The following TGFB1 variants were observed in gnomAD, a reference collection of about 807,000 sequenced individuals.
TGFB1 encodes the protein transforming growth factor beta 1.
In TGFB1, 19 loss-of-function variants were observed where a neutral mutation model predicts 43.8. The ratio of observed to expected loss-of-function variants is 0.43; its 90% CI spans 0.30 to 0.64. TGFB1 has a LOEUF of 0.64. TGFB1 is among the 30% of genes least tolerant of loss of function. TGFB1 has a pLI of 0.11. For missense variants in TGFB1, 445 were observed against 529.8 expected, an observed-to-expected ratio of 0.84 and a Z score of 1.57; for synonymous variants, 221 against 236.3, an observed-to-expected ratio of 0.94 and a Z score of 0.60.
At chr19:41,348,654 G>A (rs1054181224) in intron 1 of TGFB1, among the ~76,000 whole-genome samples, 199 bp from the exon 2 acceptor site, 3 of 145,710 alleles carry the variant, frequency 2.1e-5, no homozygotes, top group Admixed American at 1.4e-4. Context: ...ACGGAGACTC[G>A]CTCTGTCACC....
chr19:41,349,629 C>T (rs908016446), intron 1 of TGFB1, among the ~76,000 whole-genome samples: 8 of 152,096 alleles, frequency 5.3e-5, no homozygotes, highest in African/African-American at 1.4e-4. Flanking sequence ...TGGTGCCGGA[C>T]GGCTCTAATC....
In TGFB1 at chr19:41,331,118, G is replaced by T; in HGVS notation, c.1107C>A (p.Tyr369Ter). Reference sequence around the variant, plus strand: ...GCTCCACCTTGGGCTTGCGGCCCACGTAGTACACGATGGGCAGCGGCTCCA... The same window carrying T: ...GCTCCACCTTGGGCTTGCGGCCCACTTAGTACACGATGGGCAGCGGCTCCA... ...QALEPLPIVY[Y>*]VGRKPKVEQL... is the part of the protein sequence containing the mutation. Residue 369 changes from tyrosine to a stop codon, truncating the protein, a stop_gained, in exon 7 of 7, where the codon TAC (tyrosine) becomes TAA (stop). Coordinates refer to ENST00000221930, the MANE Select transcript of TGFB1 (RefSeq NM_000660.7). LOFTEE classifies it high-confidence loss of function. 1 of 1,585,330 alleles carries T rather than the reference G, an allele frequency of 6.3e-7. No homozygotes were observed. Among genetic ancestry groups the T allele is most frequent in the Non-Finnish European group, 8.6e-7 (1 of 1,167,940 alleles).
At chr19:41,335,338 G>A (rs2037977425) in intron 5 of TGFB1, among the ~76,000 whole-genome samples, 1 of 152,128 alleles carries the variant, frequency 6.6e-6, no homozygotes, top group African/African-American at 2.4e-5. Context: ...ACAGGCATGA[G>A]CCACCGCACC....
At chr19:41,347,085 C>T (rs1407691419) in intron 2 of TGFB1, among the ~76,000 whole-genome samples, 1 of 151,878 alleles carries the variant, frequency 6.6e-6, no homozygotes, top group African/African-American at 2.4e-5. Flanking sequence ...TGCAGTGGTG[C>T]AATCACAGTT....
At chr19:41,351,831 T>C (rs1040985378) in intron 1 of TGFB1, among the ~76,000 whole-genome samples, 15 of 101,804 alleles carry the variant, frequency 1.5e-4, no homozygotes, top group Non-Finnish European at 2.5e-4. Flanking sequence ...TGGGTATCTC[T>C]CCTCCTCCCC....
In TGFB1 at chr19:41,344,854, T is replaced by C. The variant is rs780397214; in HGVS notation, c.527A>G (p.Asn176Ser). ...GTTGCTGAGGTATCGCCAGGAATTG[T>C]TGCTGTATTTCTAGAGGATGATGAA... ...QHVELYQKYS[N>S]NSWRYLSNRL... Residue 176 changes from asparagine (N) to serine (S), a missense_variant, in exon 3 of 7, where the codon AAC becomes AGC. Physicochemically the swap from Asn to Ser is conservative, Grantham distance 46. Coordinates refer to ENST00000221930, the MANE Select transcript of TGFB1 (RefSeq NM_000660.7). 1.9e-6 allele frequency: 3 copies of C among 1,589,478 alleles called. No individual in the cohort carries two copies. In the South Asian group the frequency reaches 3.4e-5, roughly 18 times the overall value.
At chr19:41,333,193 T>C (rs1352724488) in intron 5 of TGFB1, among the ~76,000 whole-genome samples, 1 of 149,810 alleles carries the variant, frequency 6.7e-6, no homozygotes, top group Non-Finnish European at 1.5e-5. Context: ...TCACTTCATT[T>C]CTTCTTTTTT....
At chr19:41,334,438 T>C (rs1250779326) in intron 5 of TGFB1, among the ~76,000 whole-genome samples, 1 of 146,372 alleles carries the variant, frequency 6.8e-6, no homozygotes. Flanking sequence ...TTTTTTTTTT[T>C]TTTTTTTTGA....
At chr19:41,332,064 C>T in intron 6 of TGFB1, 64 bp downstream of exon 6, 6 of 1,573,012 alleles carry the variant, frequency 3.8e-6, no homozygotes. Context: ...TTCTCTTTCT[C>T]TCTCCTCTTC....
At chr19:41,341,573 G>C (rs1050040744) in intron 5 of TGFB1, among the ~76,000 whole-genome samples, 2 of 151,028 alleles carry the variant, frequency 1.3e-5, no homozygotes, top group South Asian at 2.1e-4. Flanking sequence ...ACCACGCCTG[G>C]CTAATTTTTG....
intron 5 of TGFB1, among the ~76,000 whole-genome samples, chr19:41,333,157 A>C (rs1385345528): frequency 6.7e-6 from 1 of 149,486 alleles, no homozygotes; most frequent in Non-Finnish European, 1.5e-5. Context: ...TGCTAGTCCC[A>C]CAGATACCCA....
intron 5 of TGFB1, among the ~76,000 whole-genome samples, chr19:41,339,773 G>A (rs577531555): frequency 9.9e-5 from 15 of 152,236 alleles, no homozygotes; most frequent in Middle Eastern, 3.4e-3. Context: ...GCAGTGAGCC[G>A]AGATCACGCC....
chr19:41,332,062 C>T, intron 6 of TGFB1, 66 bp downstream of exon 6: 2 of 1,563,642 alleles, frequency 1.3e-6, no homozygotes, highest in Non-Finnish European at 1.7e-6. Flanking sequence ...ACTTCTCTTT[C>T]TCTCTCCTCT....
chr19:41,349,449 C>T (rs1219416066), intron 1 of TGFB1, among the ~76,000 whole-genome samples: 2 of 152,164 alleles, frequency 1.3e-5, no homozygotes, highest in Admixed American at 6.6e-5. Flanking sequence ...ACTGGTCACT[C>T]AATCATGTAT....
At position 41,344,853 on chromosome 19, in the gene TGFB1, G is replaced by A. The variant is rs2038098479; in HGVS notation, c.528C>T (p.Asn176=). Residue 176 remains asparagine (N), a synonymous_variant, in exon 3 of 7, where the codon AAC becomes AAT. Transcript: ENST00000221930. ...GGTTGCTGAGGTATCGCCAGGAATT[G>A]TTGCTGTATTTCTAGAGGATGATGA... ...QHVELYQKYS[N]NSWRYLSNRL... 1 of 1,591,174 alleles carries A rather than the reference G, an allele frequency of 6.3e-7. No homozygotes were observed. The highest frequency in any genetic ancestry group is 2.3e-5 in the East Asian group (1 of 44,104).
At chr19:41,344,507 G>A (rs373672242) in intron 3 of TGFB1, among the ~76,000 whole-genome samples, 1 of 152,182 alleles carries the variant, frequency 6.6e-6, no homozygotes. Flanking sequence ...TGAGGGCAAG[G>A]ATGGGGCTGT....
At chr19:41,341,106 C>T (rs1330909549) in intron 5 of TGFB1, among the ~76,000 whole-genome samples, 1 of 150,184 alleles carries the variant, frequency 6.7e-6, no homozygotes, top group Non-Finnish European at 1.5e-5. Flanking sequence ...CTGAGGCAGG[C>T]GGATCACGAG....
At position 41,331,030 on chromosome 19, in the gene TGFB1, C is replaced by A; in HGVS notation, c.*22G>T. On this transcript the variant is annotated 3_prime_UTR_variant, in exon 7 of 7. Coordinates refer to ENST00000221930, the MANE Select transcript of TGFB1 (RefSeq NM_000660.7). Reference sequence around the variant, plus strand: ...CGGGGTGGGGCCGGGCCTGCCGGGGCGGGGCGGGGCGGGGCGGGACCTCAG... The same window carrying A: ...CGGGGTGGGGCCGGGCCTGCCGGGGAGGGGCGGGGCGGGGCGGGACCTCAG... The A allele has an allele frequency of 1.3e-6, 1 of 743,944 alleles. No individual in the cohort carries two copies. Among genetic ancestry groups the A allele is most frequent in the Non-Finnish European group, 1.6e-6 (1 of 636,212 alleles). The allele number at this position is 743,944 out of a possible 1,614,324, so 46.1% of individuals were successfully genotyped here.
chr19:41,342,059 G>A (rs1169033066), intron 4 of TGFB1, 29 bp from the exon 5 acceptor site: 3 of 1,614,048 alleles, frequency 1.9e-6, no homozygotes, highest in Non-Finnish European at 2.5e-6. Flanking sequence ...CAGGGGATAG[G>A]GGACATACAC....
Sources: allele counts gnomAD v4.1 joint callset (sites outside exome capture counted in the v4.1 genomes callset), GRCh38; gene constraint gnomAD v4.1.1; transcripts MANE v1.5; gene names NCBI Gene and HGNC (gene_info 2026-07-23, HGNC 2026-07-21).